FHIT: variants seen among roughly 807,000 people sequenced by gnomAD.
FHIT encodes the protein fragile histidine triad diadenosine triphosphatase, also known as bis(5'-adenosyl)-triphosphatase.
Under a neutral mutation model 17.9 loss-of-function variants are expected in FHIT, and 19 were observed. That is an observed-to-expected ratio of 1.06 (90% CI 0.74 to 1.56). The LOEUF is 1.56. Ranked by LOEUF, FHIT falls within the 40% of genes most tolerant of loss-of-function variation. The probability of loss-of-function intolerance (pLI) is 0.00; values close to 1 mark genes in which losing one functional copy is unlikely to be tolerated. For synonymous variants in FHIT, 81 were observed against 69.7 expected (o/e 1.16, Z -0.81); for missense variants, 248 against 189.2 (o/e 1.31, Z -1.82).
At chr3:60,511,180 T>G (rs1212379734) in intron 5 of FHIT, among the ~76,000 whole-genome samples, 5 of 152,268 alleles carry the variant, frequency 3.3e-5, no homozygotes, top group Non-Finnish European at 4.4e-5. Context: ...AATGATAATA[T>G]TAACTATCTT....
chr3:60,532,988 A>AAAAAT (rs1186292839), intron 5 of FHIT, among the ~76,000 whole-genome samples: 3 of 152,226 alleles, frequency 2.0e-5, no homozygotes, highest in Non-Finnish European at 4.4e-5. Flanking sequence ...AACATACAAA[A>AAAAAT]TAAAATGTTC....
At chr3:60,683,544 G>T (rs1342138798) in intron 4 of FHIT, among the ~76,000 whole-genome samples, 2 of 151,688 alleles carry the variant, frequency 1.3e-5, no homozygotes, top group African/African-American at 4.8e-5. Context: ...TTTTTATAAT[G>T]CTATTGCATA....
intron 7 of FHIT, among the ~76,000 whole-genome samples, chr3:59,932,675 T>C (rs1706033326): frequency 6.6e-6 from 1 of 152,166 alleles, no homozygotes; most frequent in Non-Finnish European, 1.5e-5. Context: ...CTCCCTTTTT[T>C]TTTAAATCCT....
intron 8 of FHIT, among the ~76,000 whole-genome samples, chr3:59,814,895 T>A (rs1347800532): frequency 2.0e-5 from 3 of 152,066 alleles, no homozygotes; most frequent in Admixed American, 6.5e-5. Context: ...TGAAAAAAAA[T>A]ATAAGATCAT....
chr3:60,186,647 T>C (rs767197232), intron 5 of FHIT, among the ~76,000 whole-genome samples: 10 of 152,114 alleles, frequency 6.6e-5, no homozygotes, highest in African/African-American at 9.7e-5. Flanking sequence ...AATCACTGAT[T>C]AATCCTCTGT....
At position 60,323,525 on chromosome 3, in the gene FHIT, G is replaced by A. The variant is rs557082252; in HGVS notation, c.103+213335C>T. Among the ~76,000 whole-genome samples the A allele has an allele frequency of 3.9e-5, 6 of 152,182 alleles. No individual in the cohort carries two copies. In the East Asian group the frequency reaches 1.2e-3, roughly 29 times the overall value. The stretch of plus-strand genomic sequence containing the variant: ...TATATGGTACAACATCGCCCTGCAG[G>A]CTGGAAACAAGGCCAGGTCACACTG... On this transcript the variant is annotated intron_variant, in intron 5 of 9. Coordinates refer to ENST00000492590, the MANE Select transcript of FHIT (RefSeq NM_002012.4).
intron 4 of FHIT, among the ~76,000 whole-genome samples, chr3:60,548,457 G>C (rs2036442027): frequency 6.6e-6 from 1 of 152,120 alleles, no homozygotes; most frequent in Non-Finnish European, 1.5e-5. Flanking sequence ...AGAAACTCAG[G>C]CCTTCAGCAA....
At chr3:60,830,085 T>C (rs1017599153) in intron 3 of FHIT, among the ~76,000 whole-genome samples, 1 of 152,038 alleles carries the variant, frequency 6.6e-6, no homozygotes, top group Non-Finnish European at 1.5e-5. Flanking sequence ...CTATCCCCCA[T>C]ACCCTTCTTT....
At chr3:60,843,433 G>T (rs537657560) in intron 3 of FHIT, among the ~76,000 whole-genome samples, 2 of 152,200 alleles carry the variant, frequency 1.3e-5, no homozygotes, top group African/African-American at 4.8e-5. Flanking sequence ...TCTTATAAAT[G>T]CCACCTAGAG....
intron 8 of FHIT, among the ~76,000 whole-genome samples, chr3:59,804,916 G>C (rs983222613): frequency 1.3e-5 from 2 of 152,170 alleles, no homozygotes; most frequent in Non-Finnish European, 2.9e-5. Context: ...CTTTCTCCCA[G>C]GTTGGTGGGC....
At chr3:60,130,218 TA>T (rs1699478895) in intron 5 of FHIT, among the ~76,000 whole-genome samples, 1 of 152,218 alleles carries the variant, frequency 6.6e-6, no homozygotes, top group Non-Finnish European at 1.5e-5. Flanking sequence ...ACGTGCCATG[TA>T]ATATCTGGCT....
At chr3:60,202,181 T>A (rs1273632166) in intron 5 of FHIT, among the ~76,000 whole-genome samples, 1 of 152,226 alleles carries the variant, frequency 6.6e-6, no homozygotes, top group Non-Finnish European at 1.5e-5. Flanking sequence ...CGTCACTAAT[T>A]ATCATTGTGC....
At chr3:61,044,214 C>T (rs1055289614) in intron 2 of FHIT, among the ~76,000 whole-genome samples, 1 of 152,078 alleles carries the variant, frequency 6.6e-6, no homozygotes, top group African/African-American at 2.4e-5. Flanking sequence ...GAACCCATCA[C>T]AAAGAAGCTA....
intron 4 of FHIT, among the ~76,000 whole-genome samples, chr3:60,621,961 G>T (rs1253790534): frequency 2.6e-5 from 4 of 152,084 alleles, no homozygotes; most frequent in African/African-American, 9.7e-5. Flanking sequence ...TGCCAATGAG[G>T]TGTCCACTGT....
chr3:60,537,776 T>C (rs567758986), intron 4 of FHIT, among the ~76,000 whole-genome samples: 4 of 152,302 alleles, frequency 2.6e-5, no homozygotes, highest in African/African-American at 9.6e-5. Context: ...TGCCAATACA[T>C]GACAAAGTTA....
At chr3:59,912,051 A>G (rs1704904793) in intron 8 of FHIT, among the ~76,000 whole-genome samples, 1 of 152,244 alleles carries the variant, frequency 6.6e-6, no homozygotes, top group Non-Finnish European at 1.5e-5. Flanking sequence ...CTGTGTCCTC[A>G]GAAAAGTTTT....
intron 4 of FHIT, among the ~76,000 whole-genome samples, chr3:60,569,565 C>T (rs1364589316): frequency 2.0e-5 from 3 of 151,566 alleles, no homozygotes; most frequent in African/African-American, 7.3e-5. Context: ...TAGAGGAGAA[C>T]GTAAGCTCTA....
intron 4 of FHIT, among the ~76,000 whole-genome samples, chr3:60,729,181 T>C (rs1438143688): frequency 6.6e-6 from 1 of 152,210 alleles, no homozygotes; most frequent in East Asian, 1.9e-4. Flanking sequence ...CAATGAAGTT[T>C]AACAGGCTTT....
intron 4 of FHIT, among the ~76,000 whole-genome samples, chr3:60,766,833 A>C (rs1553721552): frequency 6.6e-6 from 1 of 152,216 alleles, no homozygotes; most frequent in East Asian, 1.9e-4. Context: ...GAGATAAGCA[A>C]GACAAGATCC....
Sources: allele counts gnomAD v4.1 joint callset (sites outside exome capture counted in the v4.1 genomes callset), GRCh38; gene constraint gnomAD v4.1.1; transcripts MANE v1.5; gene names NCBI Gene and HGNC (gene_info 2026-07-23, HGNC 2026-07-21).